SNX29: variants seen among roughly 807,000 people sequenced by gnomAD.
The protein encoded by SNX29 is sorting nexin-29.
SNX29 carries 78 observed loss-of-function variants against 102.1 expected under a neutral mutation model. The ratio of observed to expected loss-of-function variants is 0.76; its 90% confidence interval spans 0.64 to 0.92. The LOEUF (loss-of-function observed/expected upper bound fraction) is 0.92. SNX29 is among the 40% of genes least tolerant of loss of function. SNX29 has a pLI of 0.00. For synonymous variants in SNX29, 580 were observed against 414.5 expected (o/e 1.40, Z -4.85); for missense variants, 1,280 against 1,061.7 (o/e 1.21, Z -2.86).
At chr16:12,270,312 T>C (rs1225277209) in intron 14 of SNX29, among the ~76,000 whole-genome samples, 1 of 152,236 alleles carries the variant, frequency 6.6e-6, no homozygotes, top group Non-Finnish European at 1.5e-5. Context: ...AATTGATTGG[T>C]TTATTGGGGG....
intron 4 of SNX29, among the ~76,000 whole-genome samples, chr16:12,035,367 A>G (rs1024055542): frequency 6.6e-6 from 1 of 152,036 alleles, no homozygotes; most frequent in Non-Finnish European, 1.5e-5. Flanking sequence ...GCACGCCACC[A>G]TGCCTGGTTA....
At chr16:12,534,912 T>C (rs371361586) in intron 20 of SNX29, among the ~76,000 whole-genome samples, 356 of 152,316 alleles carry the variant, frequency 2.3e-3, no homozygotes, top group Middle Eastern at 0.017. Flanking sequence ...AGGGATGTAC[T>C]GAGCATCCTA....
chr16:12,546,814 T>C (rs2077635056), intron 20 of SNX29: 3 of 152,214 alleles, frequency 2.0e-5, no homozygotes, highest in African/African-American at 4.8e-5. Flanking sequence ...AGGATTGCTT[T>C]CAAAATATAT....
intron 14 of SNX29, among the ~76,000 whole-genome samples, chr16:12,263,796 A>G (rs569812097): frequency 2.0e-5 from 3 of 152,342 alleles, no homozygotes; most frequent in African/African-American, 7.2e-5. Flanking sequence ...TTTTACAGTC[A>G]GGCTCAAGTG....
At chr16:12,107,993 G>A (rs1466225582) in intron 11 of SNX29, among the ~76,000 whole-genome samples, 5 of 152,054 alleles carry the variant, frequency 3.3e-5, no homozygotes, top group East Asian at 1.9e-4. Context: ...ATGAGACTTC[G>A]AAATTTATTA....
At chr16:12,449,919 G>C (rs1435683951) in intron 18 of SNX29, among the ~76,000 whole-genome samples, 1 of 152,190 alleles carries the variant, frequency 6.6e-6, no homozygotes, top group Non-Finnish European at 1.5e-5. Context: ...CTCATCTTGA[G>C]TTGTAGCTTC....
intron 15 of SNX29, among the ~76,000 whole-genome samples, chr16:12,334,862 G>C (rs1226398176): frequency 7.9e-6 from 1 of 126,358 alleles, no homozygotes; most frequent in Admixed American, 8.7e-5. Flanking sequence ...ATAGGCATTT[G>C]TGTCAGCCCC....
rs1000942656 is a variant in SNX29, at chr16:12,191,257, G to A, written c.1596-8344G>A. 2.6e-5 allele frequency among the ~76,000 whole-genome samples: 4 copies of A among 152,064 alleles called. No individual in the cohort carries two copies. In the South Asian group the frequency reaches 8.3e-4, roughly 32 times the overall value. On this transcript the variant is annotated intron_variant, in intron 13 of 20. Coordinates refer to ENST00000566228, the MANE Select transcript of SNX29 (RefSeq NM_032167.5). Reference sequence around the variant, plus strand: ...AATGCTTGCTCACCGCTCACTCACCGCTCCATCACCTCCTGCTGTGCGGCT... The same window carrying A: ...AATGCTTGCTCACCGCTCACTCACCACTCCATCACCTCCTGCTGTGCGGCT...
chr16:12,318,378 C>T lies in SNX29; in HGVS notation c.1783-37785C>T, dbSNP rs114673260. ...GCCTTCTTGCTGATGCATCGTTTGC[C>T]GGATGGGAACCAGCAGGTAGAGAGT... On this transcript the variant is annotated intron_variant, in intron 15 of 20. Coordinates refer to ENST00000566228, the MANE Select transcript of SNX29 (RefSeq NM_032167.5). Among the ~76,000 whole-genome samples the T allele has an allele frequency of 3.3e-3, 502 of 152,272 alleles. 1 individual carries two copies. Among genetic ancestry groups the T allele is most frequent in the African/African-American group, 0.011 (475 of 41,562 alleles).
intron 19 of SNX29, among the ~76,000 whole-genome samples, chr16:12,507,834 C>A (rs867232770): frequency 6.6e-6 from 1 of 152,170 alleles, no homozygotes; most frequent in Non-Finnish European, 1.5e-5. Flanking sequence ...TGACAGGTGG[C>A]GCTTCTGTGC....
At chr16:12,494,656 C>G (rs2088723322) in intron 19 of SNX29, among the ~76,000 whole-genome samples, 1 of 152,192 alleles carries the variant, frequency 6.6e-6, no homozygotes, top group Non-Finnish European at 1.5e-5. Context: ...TTGGAACTTT[C>G]TCATCATTTA....
chr16:12,370,915 G>C (rs139798211), intron 16 of SNX29, among the ~76,000 whole-genome samples: 1 of 152,184 alleles, frequency 6.6e-6, no homozygotes, highest in African/African-American at 2.4e-5. Context: ...CAAGCCATTG[G>C]CTCCCTTTGA....
intron 13 of SNX29, among the ~76,000 whole-genome samples, chr16:12,167,805 T>C (rs1319592399): frequency 6.6e-6 from 1 of 152,178 alleles, no homozygotes; most frequent in East Asian, 1.9e-4. Context: ...TGGCAAACTG[T>C]CACCTGCAGG....
chr16:11,994,420 C>G (rs2055978250), intron 1 of SNX29, among the ~76,000 whole-genome samples: 2 of 152,180 alleles, frequency 1.3e-5, no homozygotes, highest in African/African-American at 4.8e-5. Flanking sequence ...TCCTGTGTGG[C>G]AAAGTGTTTG....
In SNX29 at chr16:12,568,065, T is replaced by C. The variant is rs536732678; in HGVS notation, c.2319-441T>C. On this transcript the variant is annotated intron_variant, in intron 20 of 20. Coordinates refer to ENST00000566228, the MANE Select transcript of SNX29 (RefSeq NM_032167.5). Reference sequence around the variant, plus strand: ...TAGGGCCTGATTATTTTCTTAGGATTAATTCCACAGGAAGTCCGTCTCCTG... The same window carrying C: ...TAGGGCCTGATTATTTTCTTAGGATCAATTCCACAGGAAGTCCGTCTCCTG... Among the ~76,000 whole-genome samples the C allele has an allele frequency of 2.0e-5, 3 of 152,322 alleles. No individual in the cohort carries two copies. The East Asian group carries it at 5.8e-4, about 29-fold the overall frequency.
At chr16:12,130,181 TAAAA>T (rs1208590608) in intron 13 of SNX29, among the ~76,000 whole-genome samples, 1 of 132,092 alleles carries the variant, frequency 7.6e-6, no homozygotes, top group Non-Finnish European at 1.6e-5. Flanking sequence ...ACTTTTTAGT[TAAAA>T]AAAAAAAAAA....
intron 15 of SNX29, among the ~76,000 whole-genome samples, chr16:12,354,632 G>A (rs1215459050): frequency 1.3e-5 from 2 of 152,326 alleles, no homozygotes; most frequent in African/African-American, 2.4e-5. Flanking sequence ...AATATCGGCA[G>A]CTGTGGATTT....
intron 16 of SNX29, among the ~76,000 whole-genome samples, chr16:12,397,440 G>GAT (rs550159574): frequency 1.8e-3 from 269 of 152,310 alleles, no homozygotes; most frequent in African/African-American, 6.2e-3. Flanking sequence ...TGGGGAGAAT[G>GAT]ATACCTGTCC....
intron 11 of SNX29, among the ~76,000 whole-genome samples, chr16:12,103,031 C>A (rs2053086357): frequency 6.6e-6 from 1 of 152,192 alleles, no homozygotes; most frequent in South Asian, 2.1e-4. Flanking sequence ...GAACTACAAA[C>A]CACTGCTCAA....
Sources: allele counts gnomAD v4.1 joint callset (sites outside exome capture counted in the v4.1 genomes callset), GRCh38; gene constraint gnomAD v4.1.1; transcripts MANE v1.5; gene names NCBI Gene and HGNC (gene_info 2026-07-23, HGNC 2026-07-21).